Variants in CDH12 observed in about 807,000 individuals in gnomAD.
The protein encoded by CDH12 is cadherin 12.
CDH12 carries 41 observed loss-of-function variants against 74.1 expected under a neutral mutation model. The ratio of observed to expected loss-of-function variants is 0.55; its 90% CI spans 0.43 to 0.72. The LOEUF (loss-of-function observed/expected upper bound fraction) is 0.72. CDH12 is among the 30% of genes least tolerant of loss of function. CDH12 has a pLI of 0.00. For missense variants in CDH12, 945 were observed against 977.2 expected, an observed-to-expected ratio of 0.97 and a Z score of 0.44; for synonymous variants, 399 against 355.0, an observed-to-expected ratio of 1.12 and a Z score of -1.39.
chr5:22,681,442 G>A (rs1176756483), intron 1 of CDH12, among the ~76,000 whole-genome samples: 2 of 151,952 alleles, frequency 1.3e-5, no homozygotes, highest in African/African-American at 4.8e-5. Context: ...GTAGTATATT[G>A]TCAGGTAATT....
chr5:22,818,569 A>G (rs1749507830), intron 1 of CDH12, among the ~76,000 whole-genome samples: 1 of 152,168 alleles, frequency 6.6e-6, no homozygotes, highest in Admixed American at 6.6e-5. Context: ...CAATGACATC[A>G]TTTGACATAA....
At chr5:22,176,878 A>G (rs1207304592) in intron 4 of CDH12, among the ~76,000 whole-genome samples, 1 of 151,824 alleles carries the variant, frequency 6.6e-6, no homozygotes, top group African/African-American at 2.4e-5. Flanking sequence ...CTGCAGCCCC[A>G]TTTGCCTGCA....
At chr5:22,495,783 A>C (rs991639399) in intron 2 of CDH12, among the ~76,000 whole-genome samples, 30 of 152,152 alleles carry the variant, frequency 2.0e-4, no homozygotes, top group African/African-American at 6.7e-4. Context: ...ATATTAACTG[A>C]GTATGACGCC....
intron 1 of CDH12, among the ~76,000 whole-genome samples, chr5:22,630,868 A>C (rs1297005297): frequency 6.6e-6 from 1 of 152,202 alleles, no homozygotes; most frequent in Non-Finnish European, 1.5e-5. Flanking sequence ...GAATGGAAGA[A>C]AATATTTGCA....
intron 1 of CDH12, among the ~76,000 whole-genome samples, chr5:22,642,948 G>A (rs939915149): frequency 6.6e-6 from 1 of 151,994 alleles, no homozygotes; most frequent in Non-Finnish European, 1.5e-5. Context: ...CAAGTGAATG[G>A]GGTTCTCATT....
chr5:22,690,803 C>T (rs890724273), intron 1 of CDH12, among the ~76,000 whole-genome samples: 1 of 152,066 alleles, frequency 6.6e-6, no homozygotes, highest in African/African-American at 2.4e-5. Flanking sequence ...TTTTGTTAAT[C>T]ATTCTCATTA....
At chr5:21,927,601 A>C (rs906171315) in intron 6 of CDH12, among the ~76,000 whole-genome samples, 4 of 151,976 alleles carry the variant, frequency 2.6e-5, no homozygotes, top group African/African-American at 9.7e-5. Context: ...AAAAAACAAG[A>C]AAGAAAGAAA....
chr5:22,216,858 C>T (rs1580414944), intron 3 of CDH12, among the ~76,000 whole-genome samples: 1 of 151,684 alleles, frequency 6.6e-6, no homozygotes, highest in African/African-American at 2.4e-5. Context: ...CTAACCGAAG[C>T]CATTTAAAAA....
intron 5 of CDH12, among the ~76,000 whole-genome samples, chr5:22,030,843 G>C (rs1174817275): frequency 6.6e-6 from 1 of 152,090 alleles, no homozygotes; most frequent in Non-Finnish European, 1.5e-5. Flanking sequence ...AGATCTTTTG[G>C]ATAACTTGCT....
intron 3 of CDH12, among the ~76,000 whole-genome samples, chr5:22,214,761 A>G (rs1294634439): frequency 6.6e-6 from 1 of 152,238 alleles, no homozygotes; most frequent in East Asian, 1.9e-4. Context: ...GTGCCATAGT[A>G]GATGGGTTCT....
intron 4 of CDH12, among the ~76,000 whole-genome samples, chr5:22,114,046 C>G (rs1367962209): frequency 1.3e-5 from 2 of 152,120 alleles, no homozygotes; most frequent in African/African-American, 2.4e-5. Context: ...AAGAGGTCTG[C>G]TTGGTTCCAG....
intron 3 of CDH12, among the ~76,000 whole-genome samples, chr5:22,384,352 G>A (rs1561362659): frequency 6.6e-6 from 1 of 150,442 alleles, no homozygotes; most frequent in Admixed American, 6.6e-5. Flanking sequence ...GTGAAACCCC[G>A]TCTCTACTAA....
In CDH12 at chr5:22,678,789, A is replaced by G. The variant is rs138842304; in HGVS notation, c.-522-173425T>C. Among the ~76,000 whole-genome samples, 212 of 152,224 alleles carry G rather than the reference A, an allele frequency of 1.4e-3. 2 individuals are homozygous for G. The highest frequency in any genetic ancestry group is 4.9e-3 in the African/African-American group (204 of 41,560). ...TCATCATTTAGGAATTGCAAAGATT[A>G]TGATCTTATTTATTTACCTTTACTA... On this transcript the variant is annotated intron_variant, in intron 1 of 14. Transcript: ENST00000382254.
intron 3 of CDH12, among the ~76,000 whole-genome samples, chr5:22,339,613 T>C (rs1441520521): frequency 1.3e-5 from 2 of 152,106 alleles, no homozygotes. Context: ...ACACTCAGAG[T>C]AAAGGATGAG....
Position 22,435,498 on chromosome 5 carries a change from A to ATGTGTGTG in CDH12, c.-427-30155_-427-30148dup, listed in dbSNP as rs56122496. On this transcript the variant is annotated intron_variant, in intron 2 of 14. Transcript: ENST00000382254. Reference sequence around the variant, plus strand: ...CACATATATATGTATGTGTATATATATGTGTGTGTGTGTGTGTGTGTGTGT... The same window carrying ATGTGTGTG: ...CACATATATATGTATGTGTATATATATGTGTGTGTGTGTGTGTGTGTGTGTGTGTGTGT... 2.2e-3 allele frequency among the ~76,000 whole-genome samples: 289 copies of ATGTGTGTG among 133,242 alleles called. 1 individual carries two copies. The highest frequency in any genetic ancestry group is 4.8e-3 in the African/African-American group (172 of 35,926). The allele number at this position is 133,242 out of a possible 152,430, so 87.4% of individuals were successfully genotyped here. A position where few individuals can be genotyped will look rare whatever the true frequency, so the allele number is the denominator to read the frequency against.
chr5:21,856,791 G>T (rs1750777022), intron 6 of CDH12, among the ~76,000 whole-genome samples: 1 of 151,786 alleles, frequency 6.6e-6, no homozygotes, highest in African/African-American at 2.4e-5. Context: ...CCCACTTTGT[G>T]CTACTTAAAA....
chr5:22,838,651 C>CTGTG (rs369033220), intron 1 of CDH12, among the ~76,000 whole-genome samples: 48,290 of 143,708 alleles, frequency 0.34, 8,085 homozygotes, highest in Middle Eastern at 0.39. Context: ...GTGAGAGTGT[C>CTGTG]TGTGTGTGTG....
chr5:22,032,408 A>G (rs1217807820), intron 5 of CDH12, among the ~76,000 whole-genome samples: 3 of 151,914 alleles, frequency 2.0e-5, no homozygotes, highest in Admixed American at 6.6e-5. Flanking sequence ...TCTTAATGGA[A>G]TGATAATAAT....
At chr5:22,178,072 C>T (rs554796575) in intron 4 of CDH12, among the ~76,000 whole-genome samples, 98 of 152,248 alleles carry the variant, frequency 6.4e-4, no homozygotes, top group Non-Finnish European at 1.3e-3. Flanking sequence ...GTATCCACAC[C>T]GTGTTTCAGG....
Sources: gnomAD v4.1 joint callset for allele counts (sites outside exome capture counted in the v4.1 genomes callset) on GRCh38, gnomAD v4.1.1 for gene constraint, MANE v1.5 for transcripts, NCBI Gene and HGNC (gene_info 2026-07-23, HGNC 2026-07-21) for gene names.